Variants in CSMD1 observed in about 807,000 individuals in gnomAD.
CSMD1 encodes the protein CUB and sushi domain-containing protein 1.
In CSMD1, 213 loss-of-function variants were observed where a neutral mutation model predicts 417.5. That is an observed-to-expected ratio of 0.51 (90% CI 0.46 to 0.57). CSMD1 has a LOEUF of 0.57. CSMD1 is among the 20% of genes least tolerant of loss of function. The pLI is 0.00. For synonymous variants in CSMD1, 2,862 were observed against 1,736.8 expected, an observed-to-expected ratio of 1.65 and a Z score of -16.11; for missense variants, 6,923 against 4,529.7, an observed-to-expected ratio of 1.53 and a Z score of -15.17.
chr8:3,310,806 A>T (rs1315975967), intron 23 of CSMD1, among the ~76,000 whole-genome samples: 3 of 82,090 alleles, frequency 3.7e-5, no homozygotes, highest in African/African-American at 9.3e-5. Flanking sequence ...CACAGCACCC[A>T]GGAGGTATCC....
At chr8:3,742,076 A>G (rs1796835418) in intron 6 of CSMD1, among the ~76,000 whole-genome samples, 1 of 151,088 alleles carries the variant, frequency 6.6e-6, no homozygotes. Flanking sequence ...CTTGCCTCAC[A>G]TCCTGGTGCA....
chr8:2,983,627 CA>C (rs1312487052), intron 54 of CSMD1, among the ~76,000 whole-genome samples: 4 of 152,102 alleles, frequency 2.6e-5, no homozygotes, highest in Non-Finnish European at 4.4e-5. Flanking sequence ...CAAAATTTGG[CA>C]AAAAATTGTA....
intron 2 of CSMD1, among the ~76,000 whole-genome samples, chr8:4,628,251 T>C (rs554810331): frequency 6.6e-6 from 1 of 151,568 alleles, no homozygotes; most frequent in African/African-American, 2.4e-5. Flanking sequence ...GGAAACTAAT[T>C]CTTGGTCTTT....
chr8:4,647,474 ACGCGTGTGCC>A (rs1375160937), intron 1 of CSMD1, among the ~76,000 whole-genome samples: 26 of 148,126 alleles, frequency 1.8e-4, no homozygotes, highest in African/African-American at 6.6e-4. Context: ...CTACGTAGGT[ACGCGTGTGCC>A]ATGGTGGTTT....
chr8:4,249,000 A>C (rs1054580474), intron 3 of CSMD1, among the ~76,000 whole-genome samples: 1 of 152,190 alleles, frequency 6.6e-6, no homozygotes, highest in South Asian at 2.1e-4. Flanking sequence ...ACACTAGACC[A>C]TGTATTTAAT....
chr8:4,959,834 C>T (rs1809360976), intron 1 of CSMD1, among the ~76,000 whole-genome samples: 1 of 152,202 alleles, frequency 6.6e-6, no homozygotes. Context: ...ACTACCTAAC[C>T]ATTTAACAGT....
intron 12 of CSMD1, among the ~76,000 whole-genome samples, chr8:3,439,147 A>G (rs1585166034): frequency 7.7e-6 from 1 of 129,210 alleles, no homozygotes; most frequent in Non-Finnish European, 1.6e-5. Flanking sequence ...AAAAAAAAAA[A>G]AAAAACCAAG....
chr8:3,327,886 T>C (rs550442943), intron 23 of CSMD1, among the ~76,000 whole-genome samples: 17 of 152,280 alleles, frequency 1.1e-4, no homozygotes, highest in African/African-American at 2.2e-4. Flanking sequence ...TCCATGGATA[T>C]TCACTGTGAC....
chr8:3,493,109 C>T (rs1420063503), intron 11 of CSMD1, among the ~76,000 whole-genome samples: 5 of 151,974 alleles, frequency 3.3e-5, no homozygotes, highest in African/African-American at 9.7e-5. Context: ...ACCGGGCCAA[C>T]ATGGCAAACG....
chr8:4,341,158 A>C (rs2128895302), intron 3 of CSMD1, among the ~76,000 whole-genome samples: 1 of 152,250 alleles, frequency 6.6e-6, no homozygotes, highest in African/African-American at 2.4e-5. Flanking sequence ...ATTTTGAATT[A>C]GTAGGCGTTG....
chr8:3,640,422 G>C (rs1010048814), intron 7 of CSMD1, among the ~76,000 whole-genome samples: 12 of 152,156 alleles, frequency 7.9e-5, no homozygotes, highest in Admixed American at 5.9e-4. Context: ...AAAGACCAGA[G>C]ACCATCTTTC....
intron 68 of CSMD1, among the ~76,000 whole-genome samples, chr8:2,946,986 A>G (rs1215161703): frequency 6.6e-6 from 1 of 152,190 alleles, no homozygotes; most frequent in Non-Finnish European, 1.5e-5. Flanking sequence ...TATAATCAAC[A>G]TCTTTTCATG....
chr8:4,354,525 T>C (rs1801285599), intron 3 of CSMD1, among the ~76,000 whole-genome samples: 1 of 152,000 alleles, frequency 6.6e-6, no homozygotes, highest in Admixed American at 6.5e-5. Flanking sequence ...AATCACTTGA[T>C]GTTGTGGAAA....
At chr8:3,030,717 T>G (rs1392809638) in intron 50 of CSMD1, among the ~76,000 whole-genome samples, 2 of 152,004 alleles carry the variant, frequency 1.3e-5, no homozygotes, top group Non-Finnish European at 2.9e-5. Flanking sequence ...ACTCCTGACC[T>G]CAAGCGATCC....
intron 68 of CSMD1, among the ~76,000 whole-genome samples, chr8:2,946,344 G>C (rs915862268): frequency 6.6e-6 from 1 of 152,094 alleles, no homozygotes; most frequent in African/African-American, 2.4e-5. Context: ...TAGAAGATTG[G>C]TGTCCCTCCA....
At chr8:4,614,263 C>G (rs1237662334) in intron 2 of CSMD1, among the ~76,000 whole-genome samples, 1 of 152,200 alleles carries the variant, frequency 6.6e-6, no homozygotes, top group Admixed American at 6.5e-5. Context: ...TCAGGCTACA[C>G]ATTTGTGTTT....
intron 25 of CSMD1, among the ~76,000 whole-genome samples, chr8:3,294,723 AC>A (rs2117300308): frequency 6.6e-6 from 1 of 152,082 alleles, no homozygotes; most frequent in South Asian, 2.1e-4. Context: ...GCCATCTGTC[AC>A]CCCTTTCTTT....
At chr8:3,527,782 G>A (rs1006395956) in intron 10 of CSMD1, among the ~76,000 whole-genome samples, 2 of 152,168 alleles carry the variant, frequency 1.3e-5, no homozygotes, top group Admixed American at 6.5e-5. Flanking sequence ...CTTTGGATCT[G>A]TAAGTATTTC....
At chr8:2,949,266 T>C in intron 68 of CSMD1, 33 bp downstream of exon 68, 2 of 1,253,800 alleles carry the variant, frequency 1.6e-6, no homozygotes, top group Middle Eastern at 1.9e-4. Flanking sequence ...CAAACTGATA[T>C]TTGCTTTAAA....
Sources: gnomAD v4.1 joint callset for allele counts (sites outside exome capture counted in the v4.1 genomes callset) on GRCh38, gnomAD v4.1.1 for gene constraint, MANE v1.5 for transcripts, NCBI Gene and HGNC (gene_info 2026-07-23, HGNC 2026-07-21) for gene names.